Variants in ANO4 observed in about 807,000 individuals in gnomAD.
ANO4 encodes the protein anoctamin-4.
Under a neutral mutation model 141.9 loss-of-function variants are expected in ANO4, and 69 were observed. The observed-to-expected ratio is 0.49, with a 90% CI of 0.40 to 0.59. The LOEUF is 0.59. Among genes scored for constraint, ANO4 ranks in the 20% least tolerant of loss-of-function variants. ANO4 has a pLI of 0.00. For missense variants in ANO4, 894 were observed against 1,162.2 expected, an observed-to-expected ratio of 0.77 and a Z score of 3.36; for synonymous variants, 350 against 394.3, an observed-to-expected ratio of 0.89 and a Z score of 1.33.
chr12:100,999,289 T>G (rs1312840828), intron 8 of ANO4, among the ~76,000 whole-genome samples: 1 of 152,264 alleles, frequency 6.6e-6, no homozygotes, highest in Non-Finnish European at 1.5e-5. Context: ...ACTACATTCC[T>G]TAGCCCATGG....
intron 5 of ANO4, among the ~76,000 whole-genome samples, chr12:100,961,304 A>G (rs1175983425): frequency 6.6e-6 from 1 of 152,198 alleles, no homozygotes; most frequent in African/African-American, 2.4e-5. Context: ...TGTCTATATC[A>G]GGGTGTATTA....
At chr12:100,950,689 C>T (rs1008279268) in intron 5 of ANO4, among the ~76,000 whole-genome samples, 2 of 152,182 alleles carry the variant, frequency 1.3e-5, no homozygotes, top group Non-Finnish European at 2.9e-5. Context: ...AGGTGCAGCA[C>T]AGAGCTGGTC....
intron 16 of ANO4, among the ~76,000 whole-genome samples, chr12:101,084,033 G>A (rs942073328): frequency 5.9e-5 from 9 of 152,316 alleles, no homozygotes; most frequent in South Asian, 4.1e-4. Context: ...GGGCTTGCCC[G>A]AGGTCAGCCA....
intron 15 of ANO4, among the ~76,000 whole-genome samples, chr12:101,080,865 G>GATATATATATATATTATATATATAT (rs1555296490): frequency 9.1e-6 from 1 of 109,374 alleles, no homozygotes; most frequent in Non-Finnish European, 1.8e-5. Context: ...CTAGGTTCTA[G>GATATATATATATATTATATATATAT]ATATATATAT....
chr12:100,945,461 T>C (rs372269067), intron 5 of ANO4, among the ~76,000 whole-genome samples: 26 of 152,328 alleles, frequency 1.7e-4, no homozygotes, highest in South Asian at 4.1e-4. Context: ...CAAAATATCA[T>C]TGAAGTCCAG....
chr12:100,819,011 ATGTGTATATATATATGTATG>A (rs1440844621), intron 1 of ANO4, among the ~76,000 whole-genome samples: 1 of 144,738 alleles, frequency 6.9e-6, no homozygotes, highest in African/African-American at 2.6e-5. Flanking sequence ...TCATATATAT[ATGTGTATATATATATGTATG>A]TGTGTATATA....
At chr12:101,057,018 C>T (rs1274658646) in intron 14 of ANO4, among the ~76,000 whole-genome samples, 1 of 151,326 alleles carries the variant, frequency 6.6e-6, no homozygotes, top group Non-Finnish European at 1.5e-5. Flanking sequence ...CCCTATCCCC[C>T]AACAGGCCCC....
intron 14 of ANO4, among the ~76,000 whole-genome samples, chr12:101,066,129 A>T (rs1334766259): frequency 6.6e-6 from 1 of 152,256 alleles, no homozygotes; most frequent in African/African-American, 2.4e-5. Context: ...AATAAAAGCC[A>T]CATATGACAG....
intron 2 of ANO4, among the ~76,000 whole-genome samples, chr12:100,919,670 C>G (rs1264748939): frequency 9.3e-5 from 13 of 139,872 alleles, no homozygotes; most frequent in Admixed American, 7.1e-4. Context: ...GGACATGTCT[C>G]TGTGTGTGTG....
intron 24 of ANO4, among the ~76,000 whole-genome samples, chr12:101,115,786 T>G (rs2050827998): frequency 6.6e-6 from 1 of 152,182 alleles, no homozygotes; most frequent in Admixed American, 6.5e-5. Context: ...AAATCTTGAT[T>G]TTATCTACCC....
intron 3 of ANO4, among the ~76,000 whole-genome samples, chr12:100,755,628 C>T (rs1007325358): frequency 6.6e-6 from 1 of 152,178 alleles, no homozygotes; most frequent in African/African-American, 2.4e-5. Context: ...GATCACTATG[C>T]CTGTACTTTG....
chr12:101,121,313 G>A (rs996620566), intron 26 of ANO4, among the ~76,000 whole-genome samples: 8 of 151,720 alleles, frequency 5.3e-5, no homozygotes, highest in African/African-American at 1.7e-4. Context: ...CTCTAAGTAC[G>A]TACAATAAGA....
intron 14 of ANO4, among the ~76,000 whole-genome samples, chr12:101,063,089 C>T (rs947405065): frequency 1.3e-4 from 20 of 152,222 alleles, no homozygotes; most frequent in South Asian, 6.2e-4. Flanking sequence ...GGCCAGAGTG[C>T]ACCATTCCTC....
chr12:101,106,610 A>G (rs2136996864), intron 22 of ANO4, among the ~76,000 whole-genome samples: 1 of 149,228 alleles, frequency 6.7e-6, no homozygotes, highest in African/African-American at 2.5e-5. Context: ...AACTGGAAGG[A>G]TGCATGCAAA....
At chr12:101,081,627 G>T (rs555744494) in intron 15 of ANO4, among the ~76,000 whole-genome samples, 1 of 152,084 alleles carries the variant, frequency 6.6e-6, no homozygotes, top group Non-Finnish European at 1.5e-5. Flanking sequence ...GGGCAACCTC[G>T]CACATTAGTT....
intron 9 of ANO4, among the ~76,000 whole-genome samples, chr12:101,032,191 G>T (rs868530707): frequency 1.2e-4 from 19 of 152,230 alleles, no homozygotes; most frequent in African/African-American, 4.3e-4. Flanking sequence ...ATACTACAAG[G>T]CTGCAGTAAC....
chr12:101,092,129 A>G (rs1337722903), intron 17 of ANO4, among the ~76,000 whole-genome samples: 3 of 152,198 alleles, frequency 2.0e-5, no homozygotes, highest in Non-Finnish European at 2.9e-5. Context: ...GCTATATCCC[A>G]GGAATAGACT....
At chr12:101,006,255 G>C (rs990404592) in intron 8 of ANO4, among the ~76,000 whole-genome samples, 1 of 152,030 alleles carries the variant, frequency 6.6e-6, no homozygotes, top group South Asian at 2.1e-4. Flanking sequence ...CTATTATAAA[G>C]GTACCTTAAA....
intron 3 of ANO4, among the ~76,000 whole-genome samples, chr12:100,744,742 T>C (rs1182841728): frequency 6.6e-6 from 1 of 152,174 alleles, no homozygotes; most frequent in Non-Finnish European, 1.5e-5. Context: ...TTTAGAAATA[T>C]TGCTACTTCA....
Sources: allele counts gnomAD v4.1 joint callset (sites outside exome capture counted in the v4.1 genomes callset), GRCh38; gene constraint gnomAD v4.1.1; transcripts MANE v1.5; gene names NCBI Gene and HGNC (gene_info 2026-07-23, HGNC 2026-07-21).